The following CPQ variants were observed in gnomAD, a reference collection of about 807,000 sequenced individuals.
CPQ encodes Ser-Met dipeptidase.
Under a neutral mutation model 45.7 loss-of-function variants are expected in CPQ, and 37 were observed. The observed-to-expected ratio is 0.81, with a 90% CI of 0.62 to 1.07. The LOEUF (loss-of-function observed/expected upper bound fraction) is 1.07, where lower values mean the gene tolerates loss of function less well. CPQ is among the 50% of genes least tolerant of loss of function. CPQ has a pLI of 0.00. For missense variants in CPQ, 537 were observed against 572.9 expected, an observed-to-expected ratio of 0.94 and a Z score of 0.64; for synonymous variants, 186 against 205.8, an observed-to-expected ratio of 0.90 and a Z score of 0.82.
intron 5 of CPQ, among the ~76,000 whole-genome samples, chr8:96,998,462 G>C (rs1809212166): frequency 6.6e-6 from 1 of 151,804 alleles, no homozygotes. Context: ...AAATATAAAA[G>C]ATTTTGTAAT....
At chr8:96,858,459 G>A (rs1262953152) in intron 3 of CPQ, among the ~76,000 whole-genome samples, 3 of 152,134 alleles carry the variant, frequency 2.0e-5, no homozygotes, top group Non-Finnish European at 4.4e-5. Flanking sequence ...TATCCTGCAT[G>A]TTAGTTCTTT....
intron 4 of CPQ, among the ~76,000 whole-genome samples, chr8:96,889,692 G>A (rs1310961967): frequency 1.3e-5 from 2 of 152,148 alleles, no homozygotes; most frequent in Non-Finnish European, 2.9e-5. Flanking sequence ...CCAAAGGCCC[G>A]AGAGCCCTTG....
chr8:96,884,733 A>G (rs1812276603), intron 4 of CPQ, among the ~76,000 whole-genome samples: 2 of 152,218 alleles, frequency 1.3e-5, no homozygotes. Context: ...GTTCAGTTCC[A>G]AAGTCTAGCA....
chr8:96,910,750 T>C (rs1167748961), intron 4 of CPQ, among the ~76,000 whole-genome samples: 3 of 152,158 alleles, frequency 2.0e-5, no homozygotes, highest in African/African-American at 7.2e-5. Flanking sequence ...ATGATCTGCC[T>C]GCCTTGGCCT....
intron 4 of CPQ, among the ~76,000 whole-genome samples, chr8:96,936,411 A>G (rs1041685704): frequency 2.6e-5 from 4 of 152,232 alleles, no homozygotes; most frequent in African/African-American, 7.2e-5. Flanking sequence ...TCAAACCTTC[A>G]TTATTTACTT....
chr8:96,838,698 T>A (rs1358157073), intron 3 of CPQ, among the ~76,000 whole-genome samples: 1 of 152,026 alleles, frequency 6.6e-6, no homozygotes, highest in Non-Finnish European at 1.5e-5. Flanking sequence ...TCTAGTATAA[T>A]GTTTGAAACA....
chr8:97,073,577 C>T (rs995018388), intron 7 of CPQ, among the ~76,000 whole-genome samples: 5 of 152,140 alleles, frequency 3.3e-5, no homozygotes, highest in South Asian at 4.1e-4. Context: ...CTCAAGCCCT[C>T]GTTTAAATAG....
chr8:96,774,457 T>C (rs761537949), intron 1 of CPQ, among the ~76,000 whole-genome samples: 2 of 152,112 alleles, frequency 1.3e-5, no homozygotes, highest in Non-Finnish European at 2.9e-5. Flanking sequence ...AAGGGACCTC[T>C]GTTTAAGGCA....
intron 2 of CPQ, among the ~76,000 whole-genome samples, chr8:96,830,890 T>G (rs1811448618): frequency 6.6e-6 from 1 of 152,186 alleles, no homozygotes. Context: ...TTTGTTACAT[T>G]TGTGAAATAA....
intron 7 of CPQ, among the ~76,000 whole-genome samples, chr8:97,077,063 G>A (rs1014688016): frequency 4.6e-5 from 7 of 152,100 alleles, no homozygotes; most frequent in South Asian, 2.1e-4. Flanking sequence ...TTATAGTACC[G>A]TACTCTATTT....
chr8:97,101,233 G>A (rs1366451148), intron 7 of CPQ, among the ~76,000 whole-genome samples: 4 of 151,844 alleles, frequency 2.6e-5, no homozygotes, highest in African/African-American at 4.8e-5. Flanking sequence ...GATAAAGTAC[G>A]ATTTGGTGGT....
chr8:96,754,035 T>A (rs1810297254), intron 1 of CPQ, among the ~76,000 whole-genome samples: 1 of 152,064 alleles, frequency 6.6e-6, no homozygotes, highest in Non-Finnish European at 1.5e-5. Flanking sequence ...TTTCTAATAT[T>A]AAACAATCCT....
At chr8:97,074,490 GGC>G (rs942101986) in intron 7 of CPQ, among the ~76,000 whole-genome samples, 1 of 152,152 alleles carries the variant, frequency 6.6e-6, no homozygotes, top group Non-Finnish European at 1.5e-5. Context: ...AGAATGGACA[GGC>G]CAGGCACGGT....
intron 1 of CPQ, among the ~76,000 whole-genome samples, chr8:96,710,558 C>T (rs898158108): frequency 1.3e-5 from 2 of 152,100 alleles, no homozygotes; most frequent in African/African-American, 4.8e-5. Flanking sequence ...TATTATTATT[C>T]ATTTTGAATC....
chr8:97,114,106 T>G (rs1811544011), intron 7 of CPQ, among the ~76,000 whole-genome samples: 1 of 152,218 alleles, frequency 6.6e-6, no homozygotes, highest in East Asian at 1.9e-4. Context: ...ATTTGTGTAA[T>G]TGCAGTGGTG....
At chr8:96,676,480 G>A (rs556730575) in intron 1 of CPQ, among the ~76,000 whole-genome samples, 1 of 151,938 alleles carries the variant, frequency 6.6e-6, no homozygotes, top group African/African-American at 2.4e-5. Flanking sequence ...GCAAATGACA[G>A]TATATCATTC....
chr8:96,669,435 G>A (rs907892033), intron 1 of CPQ, among the ~76,000 whole-genome samples: 2 of 152,134 alleles, frequency 1.3e-5, no homozygotes, highest in African/African-American at 4.8e-5. Flanking sequence ...CATTGATGAG[G>A]CAGTGACACC....
At chr8:96,803,176 G>T (rs901370403) in intron 2 of CPQ, among the ~76,000 whole-genome samples, 2 of 152,148 alleles carry the variant, frequency 1.3e-5, no homozygotes, top group African/African-American at 2.4e-5. Context: ...AAAATGCTGA[G>T]GGCAGGACAA....
In CPQ at chr8:97,094,440, G is replaced by A. The variant is rs115791279; in HGVS notation, c.1255+28230G>A. On this transcript the variant is annotated intron_variant, in intron 7 of 7. Coordinates refer to ENST00000220763, the MANE Select transcript of CPQ (RefSeq NM_016134.4). ...TAGATCAATTCACTCCTCTACCTTC[G>A]CTGCCCCATCCATGCCAGACAGCCC... 7.1e-3 allele frequency among the ~76,000 whole-genome samples: 1,072 copies of A among 151,992 alleles called. 13 individuals are homozygous for A. Among genetic ancestry groups the A allele is most frequent in the African/African-American group, 0.024 (1,008 of 41,466 alleles).
Sources: allele counts gnomAD v4.1 joint callset (sites outside exome capture counted in the v4.1 genomes callset), GRCh38; gene constraint gnomAD v4.1.1; transcripts MANE v1.5; gene names NCBI Gene and HGNC (gene_info 2026-07-23, HGNC 2026-07-21).